Variants in SGK1 observed in about 807,000 individuals in gnomAD.
SGK1 encodes the protein serum/glucocorticoid regulated kinase 1.
Under a neutral mutation model 64.2 loss-of-function variants are expected in SGK1, and 26 were observed. The observed-to-expected ratio is 0.40, with a 90% CI of 0.30 to 0.56. The LOEUF (loss-of-function observed/expected upper bound fraction) is 0.56, where lower values mean the gene tolerates loss of function less well. Ranked by LOEUF, SGK1 falls within the 20% of genes least tolerant of loss-of-function variation. SGK1 has a pLI of 0.38. For synonymous variants in SGK1, 265 were observed against 239.7 expected, an observed-to-expected ratio of 1.11 and a Z score of -0.98; for missense variants, 519 against 645.6, an observed-to-expected ratio of 0.80 and a Z score of 2.12.
At chr6:134,298,728 A>C in intron 1 of SGK1, 1 of 586,244 alleles carries the variant, frequency 1.7e-6, no homozygotes, top group Non-Finnish European at 2.9e-6. Context: ...AGGCGGGCTG[A>C]ACCAGGCAGA....
At chr6:134,281,008 C>T (rs1040988622) in intron 1 of SGK1, among the ~76,000 whole-genome samples, 1 of 152,158 alleles carries the variant, frequency 6.6e-6, no homozygotes, top group African/African-American at 2.4e-5. Context: ...GCAGAGGTTG[C>T]AGTGAGCCAA....
Position 134,170,141 on chromosome 6 carries a change from T to A in SGK1, c.*127A>T, listed in dbSNP as rs992678632. 1 of 747,194 alleles carries A rather than the reference T, an allele frequency of 1.3e-6. No homozygotes were observed. The highest frequency in any genetic ancestry group is 1.7e-5 in the African/African-American group (1 of 57,186). The allele number at this position is 747,194 out of a possible 1,614,324, so 46.3% of individuals were successfully genotyped here. A position where few individuals can be genotyped will look rare whatever the true frequency, so the allele number is the denominator to read the frequency against. ...TCCAGCGAACAGTGTGCAATAAGAT[T>A]GCTAAGCTTCCAGAGATGTGCAAAT... is the stretch of plus-strand genomic sequence containing the variant. On this transcript the variant is annotated 3_prime_UTR_variant, in exon 14 of 14. Transcript: ENST00000367858.
intron 3 of SGK1, among the ~76,000 whole-genome samples, chr6:134,204,449 G>A (rs1453529321): frequency 2.2e-5 from 3 of 136,050 alleles, no homozygotes; most frequent in Admixed American, 7.9e-5. Context: ...CAGCCTGGGC[G>A]ACAGAGCAAG....
intron 3 of SGK1, among the ~76,000 whole-genome samples, chr6:134,191,835 ATTTT>A (rs71003671): frequency 1.6e-5 from 1 of 61,204 alleles, no homozygotes; most frequent in African/African-American, 6.7e-5. Context: ...CGCCCGGCTG[ATTTT>A]TTTTTTTTTT....
rs191493356 is a variant in SGK1 at position 134,285,044 on chromosome 6, T to G, written c.70-22896A>C. On this transcript the variant is annotated intron_variant, in intron 1 of 13. Coordinates refer to ENST00000367858, the MANE Select transcript of SGK1 (RefSeq NM_001143676.3). ...GTGTAATGACTTCTTTTCTTTTGGG[T>G]AGAGACCCAGTAGTGGGATTGCTGA... 1.6e-4 allele frequency among the ~76,000 whole-genome samples: 25 copies of G among 152,330 alleles called. No homozygotes were observed. The East Asian group carries it at 4.1e-3, about 25-fold the overall frequency.
intron 2 of SGK1, among the ~76,000 whole-genome samples, chr6:134,227,897 C>G (rs1488234475): frequency 6.8e-6 from 1 of 147,782 alleles, no homozygotes; most frequent in East Asian, 2.0e-4. Flanking sequence ...GTATTTATTA[C>G]TGCCTTAGTA....
At chr6:134,226,156 G>GA (rs977382745) in intron 2 of SGK1, among the ~76,000 whole-genome samples, 11 of 149,952 alleles carry the variant, frequency 7.3e-5, no homozygotes, top group Non-Finnish European at 1.5e-4. Context: ...GAAGGAAGAA[G>GA]AAAAAAGAGA....
chr6:134,171,502 A>C, intron 11 of SGK1, 135 bp downstream of exon 11: 1 of 648,202 alleles, frequency 1.5e-6, no homozygotes, highest in Non-Finnish European at 2.7e-6. Flanking sequence ...TGAACTATAA[A>C]ATAACCAATA....
intron 3 of SGK1, among the ~76,000 whole-genome samples, chr6:134,194,309 C>A (rs1041579743): frequency 6.6e-6 from 1 of 152,104 alleles, no homozygotes; most frequent in Non-Finnish European, 1.5e-5. Flanking sequence ...AGGATGCCAA[C>A]TGATCAGACG....
intron 1 of SGK1, among the ~76,000 whole-genome samples, chr6:134,304,022 C>G (rs1777498022): frequency 6.6e-6 from 1 of 152,186 alleles, no homozygotes; most frequent in African/African-American, 2.4e-5. Context: ...GAAGCACTCC[C>G]TGTTAGAAGC....
At chr6:134,172,892 G>A in intron 8 of SGK1, 118 bp from the exon 9 acceptor site, 1 of 1,258,012 alleles carries the variant, frequency 7.9e-7, no homozygotes, top group Non-Finnish European at 1.1e-6. Flanking sequence ...CTATAAACCT[G>A]ACAGGTTGAA....
intron 1 of SGK1, among the ~76,000 whole-genome samples, chr6:134,275,660 T>A (rs545350759): frequency 6.6e-5 from 10 of 152,190 alleles, no homozygotes; most frequent in Non-Finnish European, 1.3e-4. Context: ...TGAAAAACGC[T>A]CATCTAAATG....
At chr6:134,268,131 GC>G (rs1427464023) in intron 1 of SGK1, among the ~76,000 whole-genome samples, 3 of 152,176 alleles carry the variant, frequency 2.0e-5, no homozygotes, top group Non-Finnish European at 2.9e-5. Context: ...TCCTCCCACG[GC>G]CCCTCGGGGA....
chr6:134,242,236 A>G (rs1218499897), intron 2 of SGK1, among the ~76,000 whole-genome samples: 1 of 152,122 alleles, frequency 6.6e-6, no homozygotes, highest in Non-Finnish European at 1.5e-5. Context: ...CTGTAATCCC[A>G]GCACTTTGGG....
intron 1 of SGK1, among the ~76,000 whole-genome samples, chr6:134,307,896 T>A (rs1299170522): frequency 6.6e-6 from 1 of 152,194 alleles, no homozygotes; most frequent in African/African-American, 2.4e-5. Flanking sequence ...GATTAAATTG[T>A]TTTTATTGAT....
Position 134,270,692 on chromosome 6 carries a change from T to C in SGK1, c.70-8544A>G, listed in dbSNP as rs552006322. 7.3e-4 allele frequency among the ~76,000 whole-genome samples: 108 copies of C among 148,142 alleles called. 1 individual carries two copies. The highest frequency in any genetic ancestry group is 2.5e-3 in the African/African-American group (104 of 41,222). On this transcript the variant is annotated intron_variant, in intron 1 of 13. Transcript: ENST00000367858. ...CTAGATTCTCAGGGGCCAACCTGTG[T>C]CTCCAGGCCTAGTCCGGAGGATGGA... is the stretch of plus-strand genomic sequence containing the variant.
chr6:134,248,662 G>A (rs975643160), intron 2 of SGK1, among the ~76,000 whole-genome samples: 40 of 152,062 alleles, frequency 2.6e-4, no homozygotes, highest in African/African-American at 9.4e-4. Context: ...ATGTTGGCCA[G>A]GCTGGTCTCA....
At chr6:134,235,794 C>T (rs892755331) in intron 2 of SGK1, among the ~76,000 whole-genome samples, 2 of 152,012 alleles carry the variant, frequency 1.3e-5, no homozygotes, top group African/African-American at 4.8e-5. Context: ...AGGCTGGTCT[C>T]AAACTCCTGA....
intron 1 of SGK1, among the ~76,000 whole-genome samples, chr6:134,309,615 A>G (rs1777582554): frequency 6.6e-6 from 1 of 152,096 alleles, no homozygotes; most frequent in South Asian, 2.1e-4. Context: ...CTCTATAGAG[A>G]CACTGCGTAT....
Sources: gnomAD v4.1 joint callset for allele counts (sites outside exome capture counted in the v4.1 genomes callset) on GRCh38, gnomAD v4.1.1 for gene constraint, MANE v1.5 for transcripts, NCBI Gene and HGNC (gene_info 2026-07-23, HGNC 2026-07-21) for gene names.